Variants in GAPVD1 observed in about 807,000 individuals in gnomAD.
The protein encoded by GAPVD1 is GTPase-activating protein and VPS9 domain-containing protein 1.
In GAPVD1, 35 loss-of-function variants were observed where a neutral mutation model predicts 155.5. The observed-to-expected ratio is 0.23, with a 90% confidence interval of 0.17 to 0.30. The LOEUF is 0.30. Among genes scored for constraint, GAPVD1 ranks in the 10% least tolerant of loss-of-function variants. The pLI is 1.00. For synonymous variants in GAPVD1, 636 were observed against 619.7 expected (o/e 1.03, Z -0.39); for missense variants, 1,429 against 1,775.7 (o/e 0.80, Z 3.51).
chr9:125,324,052 T>C, intron 11 of GAPVD1, 129 bp downstream of exon 11: 1 of 715,078 alleles, frequency 1.4e-6, no homozygotes, highest in East Asian at 2.7e-5. Flanking sequence ...TAACATTTAT[T>C]CATCATTCCT....
chr9:125,347,427 A>G (rs1409923151), intron 20 of GAPVD1, among the ~76,000 whole-genome samples: 1 of 152,318 alleles, frequency 6.6e-6, no homozygotes, highest in African/African-American at 2.4e-5. Context: ...GAAAAAGTGT[A>G]TAAAAGTATA....
In GAPVD1 at chr9:125,367,065, TA is replaced by T. The variant is rs932945308; in HGVS notation, c.*4323del. 1.3e-5 allele frequency: 2 copies of T among 152,246 alleles called. No homozygotes were observed. The highest frequency in any genetic ancestry group is 2.9e-5 in the Non-Finnish European group (2 of 68,044). 9.4% of individuals were successfully genotyped at this position (152,246 alleles called of 1,614,324 possible). A position where few individuals can be genotyped will look rare whatever the true frequency, so the allele number is the denominator to read the frequency against. On this transcript the variant is annotated 3_prime_UTR_variant, in exon 28 of 28. Transcript: ENST00000297933. ...GCTGTACTGCCTCTTTTGAAACAGA[TA>T]AAACCTTTCTATAAGTCTCAATTAA... is the stretch of plus-strand genomic sequence containing the variant.
chr9:125,326,283 C>G, intron 11 of GAPVD1, 133 bp from the exon 12 acceptor site: 1 of 601,694 alleles, frequency 1.7e-6, no homozygotes, highest in Non-Finnish European at 2.9e-6. Flanking sequence ...TTTGGGAGGC[C>G]GAGGCGGGCG....
chr9:125,262,814 C>T (rs1044128219), intron 1 of GAPVD1, among the ~76,000 whole-genome samples: 1 of 152,134 alleles, frequency 6.6e-6, no homozygotes, highest in African/African-American at 2.4e-5. Flanking sequence ...CTAACTGAAA[C>T]TTATTATTTC....
chr9:125,334,977 G>C (rs1846670931), intron 15 of GAPVD1, among the ~76,000 whole-genome samples: 1 of 152,088 alleles, frequency 6.6e-6, no homozygotes, highest in Admixed American at 6.5e-5. Context: ...TGAGATTGGT[G>C]GTGATATGAA....
intron 9 of GAPVD1, among the ~76,000 whole-genome samples, chr9:125,314,381 C>A (rs1009123737): frequency 1.3e-5 from 2 of 152,048 alleles, no homozygotes; most frequent in East Asian, 3.9e-4. Context: ...GAAGGTCAGG[C>A]CTGGTGGCTC....
In GAPVD1 at chr9:125,280,396, CAAAAA is replaced by C. The variant is rs750354567; in HGVS notation, c.-150+11432_-150+11436del. Among the ~76,000 whole-genome samples the C allele has an allele frequency of 5.2e-5, 3 of 57,334 alleles. No individual in the cohort carries two copies. In the Middle Eastern group the frequency reaches 0.034, roughly 652 times the overall value. The allele number at this position is 57,334 out of a possible 152,430, so 37.6% of individuals were successfully genotyped here. The stretch of plus-strand genomic sequence containing the variant: ...GGGCAACAAGAGCAAAAGTCCATCT[CAAAAA>C]AAAAAAAAAAAAAAAAAAAGAATAA... On this transcript the variant is annotated intron_variant, in intron 2 of 27. Transcript: ENST00000297933.
chr9:125,326,733 G>C (rs1437572923), intron 12 of GAPVD1, 144 bp downstream of exon 12: 2 of 536,426 alleles, frequency 3.7e-6, no homozygotes, highest in South Asian at 3.5e-5. Flanking sequence ...ATGGAACAAG[G>C]CATTTGGGTA....
At chr9:125,316,086 A>G (rs999181781) in intron 9 of GAPVD1, among the ~76,000 whole-genome samples, 3 of 152,188 alleles carry the variant, frequency 2.0e-5, no homozygotes, top group Admixed American at 6.5e-5. Flanking sequence ...CATGACAGAA[A>G]ATTTAGAGAG....
In GAPVD1 at chr9:125,302,207, A is replaced by G; in HGVS notation, c.410A>G (p.Tyr137Cys). Reference sequence around the variant, plus strand: ...ATTTACACAGTTTTTACCTCCCTGTATGGCAATTGCATCATGCAAGAAGAT... The same window carrying G: ...ATTTACACAGTTTTTACCTCCCTGTGTGGCAATTGCATCATGCAAGAAGAT... ...SVIYTVFTSL[Y>C]GNCIMQEDES... Residue 137 changes from tyrosine (Y) to cysteine (C), a missense_variant, in exon 5 of 28, where the codon TAT becomes TGT. Transcript: ENST00000297933. 3 of 1,613,630 alleles carry G rather than the reference A, an allele frequency of 1.9e-6. No individual in the cohort carries two copies. The highest frequency in any genetic ancestry group is 2.7e-5 in the African/African-American group (2 of 75,040).
chr9:125,341,144 A>T (rs372726565), intron 17 of GAPVD1, 33 bp from the exon 18 acceptor site: 5 of 1,038,196 alleles, frequency 4.8e-6, no homozygotes, highest in Non-Finnish European at 7.7e-6. Flanking sequence ...CCTGCTATCC[A>T]ACTCCAAATA....
Position 125,367,007 on chromosome 9 carries a change from T to G in GAPVD1, c.*4261T>G, listed in dbSNP as rs1369067087. The G allele has an allele frequency of 6.6e-6, 1 of 152,240 alleles. No homozygotes were observed. The highest frequency in any genetic ancestry group is 1.5e-5 in the Non-Finnish European group (1 of 68,046). 9.4% of individuals were successfully genotyped at this position (152,240 alleles called of 1,614,324 possible). On this transcript the variant is annotated 3_prime_UTR_variant, in exon 28 of 28. Coordinates refer to ENST00000297933, the MANE Select transcript of GAPVD1 (RefSeq NM_001282680.3). Reference sequence around the variant, plus strand: ...GTCAAATTAATACTCTCCTGTCTACTGGATTCTTCTTGTGCTTCACCTGGA... The same window carrying G: ...GTCAAATTAATACTCTCCTGTCTACGGGATTCTTCTTGTGCTTCACCTGGA...
chr9:125,314,881 G>A (rs1183986470), intron 9 of GAPVD1, among the ~76,000 whole-genome samples: 1 of 148,654 alleles, frequency 6.7e-6, no homozygotes, highest in Admixed American at 6.7e-5. Context: ...TCCACCTCCC[G>A]GGTTCACGCC....
chr9:125,275,237 G>A (rs925540753), intron 2 of GAPVD1, among the ~76,000 whole-genome samples: 10 of 151,728 alleles, frequency 6.6e-5, no homozygotes, highest in Non-Finnish European at 8.8e-5. Flanking sequence ...CACCATGCCC[G>A]GATAATTTTT....
intron 13 of GAPVD1, 71 bp downstream of exon 13, chr9:125,330,289 C>A: frequency 2.1e-6 from 2 of 938,896 alleles, no homozygotes; most frequent in Non-Finnish European, 3.1e-6. Flanking sequence ...TATCCCAACT[C>A]TGTATTATGT....
At chr9:125,345,913 G>A (rs13296311) in intron 19 of GAPVD1, 7,606 of 151,852 alleles carry the variant, frequency 0.05, 280 homozygotes, top group Non-Finnish European at 0.071. Flanking sequence ...TAGTGATTTC[G>A]ATGTGTTTGT....
At chr9:125,346,485 A>G in intron 19 of GAPVD1, 1 of 340,802 alleles carries the variant, frequency 2.9e-6, no homozygotes. Context: ...CACTGTTGGA[A>G]GTTCTGTTAG....
intron 3 of GAPVD1, among the ~76,000 whole-genome samples, chr9:125,296,250 C>T (rs1389085170): frequency 2.6e-5 from 4 of 151,534 alleles, no homozygotes; most frequent in African/African-American, 7.3e-5. Context: ...ACAATCTCGG[C>T]CCACTGCAAC....
At chr9:125,357,388 G>T (rs1290974086) in intron 25 of GAPVD1, among the ~76,000 whole-genome samples, 1 of 151,854 alleles carries the variant, frequency 6.6e-6, no homozygotes, top group African/African-American at 2.4e-5. Context: ...AGACCAGCCT[G>T]GCCAGCATGG....
Sources: allele counts gnomAD v4.1 joint callset (sites outside exome capture counted in the v4.1 genomes callset), GRCh38; gene constraint gnomAD v4.1.1; transcripts MANE v1.5; gene names NCBI Gene and HGNC (gene_info 2026-07-23, HGNC 2026-07-21).